The following WNK3 variants were observed in gnomAD, a reference collection of about 807,000 sequenced individuals.
The protein encoded by WNK3 is WNK lysine deficient protein kinase 3, also known as serine/threonine-protein kinase WNK3.
In WNK3, 18 loss-of-function variants were observed where a neutral mutation model predicts 116.7. The ratio of observed to expected loss-of-function variants is 0.15; its 90% CI spans 0.11 to 0.23. WNK3 has a LOEUF of 0.23. Ranked by LOEUF, WNK3 falls within the 10% of genes least tolerant of loss-of-function variation. The pLI, the probability that WNK3 is intolerant of heterozygous loss-of-function variation, is 1.00. For synonymous variants in WNK3, 404 were observed against 469.4 expected (o/e 0.86, Z 1.80); for missense variants, 993 against 1,323.8 (o/e 0.75, Z 3.88).
At chrX:54,200,958 T>C (rs1314308838) in intron 23 of WNK3, among the ~76,000 whole-genome samples, 2 of 112,022 alleles carry the variant, frequency 1.8e-5, no homozygotes, top group Non-Finnish European at 3.8e-5. Flanking sequence ...TGAAAATTTT[T>C]ATTCAATATT....
intron 22 of WNK3, among the ~76,000 whole-genome samples, chrX:54,227,736 A>C (rs1242641453): frequency 8.9e-6 from 1 of 112,590 alleles, no homozygotes; most frequent in Non-Finnish European, 1.9e-5. Flanking sequence ...ATGGAGTATT[A>C]TTTGGCAACA....
intron 10 of WNK3, among the ~76,000 whole-genome samples, 189 bp downstream of exon 10, chrX:54,292,699 T>G (rs1603391547): frequency 1.5e-5 from 1 of 66,375 alleles, no homozygotes; most frequent in East Asian, 4.8e-4. Context: ...AGAGCGACAC[T>G]CCACCTCAAA....
chrX:54,194,956 A>T (rs2067429874), exon 24 of WNK3: 1 of 111,867 alleles, frequency 8.9e-6, no homozygotes, highest in East Asian at 2.8e-4. Flanking sequence ...CTGTCAAACC[A>T]TTGGAATTCA....
chrX:54,209,476 A>G (rs2067589589), intron 22 of WNK3, among the ~76,000 whole-genome samples: 1 of 107,681 alleles, frequency 9.3e-6, no homozygotes, highest in Admixed American at 1.0e-4. Context: ...AATACCATGT[A>G]TCAACTCATG....
chrX:54,347,749 T>C (rs1603402569), intron 1 of WNK3, among the ~76,000 whole-genome samples: 2 of 108,002 alleles, frequency 1.9e-5, no homozygotes, highest in East Asian at 5.7e-4. Flanking sequence ...TACTATATTA[T>C]ATATATACAC....
At chrX:54,289,197 AG>A (rs1415261333) in intron 10 of WNK3, among the ~76,000 whole-genome samples, 1 of 111,385 alleles carries the variant, frequency 9.0e-6, no homozygotes, top group African/African-American at 3.3e-5. Context: ...GGACTGGATA[AG>A]AAGTCTGCAC....
intron 13 of WNK3, 40 bp downstream of exon 13, chrX:54,253,919 G>A: frequency 1.1e-6 from 1 of 896,851 alleles, no homozygotes; most frequent in African/African-American, 1.9e-5. Context: ...AAAAAAGACA[G>A]AATGCTGAAG....
At chrX:54,299,182 T>G (rs987837302) in intron 6 of WNK3, among the ~76,000 whole-genome samples, 6 of 111,741 alleles carry the variant, frequency 5.4e-5, no homozygotes, top group Admixed American at 4.8e-4. Context: ...TACAGGCCAG[T>G]GAGAGCTGAA....
chrX:54,358,539 A>G (rs1297767841), upstream of WNK3: 1 of 111,415 alleles, frequency 9.0e-6, no homozygotes, highest in African/African-American at 3.3e-5. Flanking sequence ...CGCGAGACCC[A>G]TACCTGCCGG....
At chrX:54,265,344 G>A (rs189914123) in intron 10 of WNK3, among the ~76,000 whole-genome samples, 6 of 110,980 alleles carry the variant, frequency 5.4e-5, no homozygotes, top group East Asian at 2.9e-4. Flanking sequence ...AAAATTAGCC[G>A]GGCGTGGTGG....
chrX:54,306,305 A>G (rs182108009), intron 5 of WNK3, among the ~76,000 whole-genome samples: 73 of 111,511 alleles, frequency 6.5e-4, no homozygotes, highest in African/African-American at 2.2e-3. Context: ...TACATACCCA[A>G]AGGAATTGAA....
At chrX:54,339,727 A>G (rs1464675011) in intron 1 of WNK3, among the ~76,000 whole-genome samples, 1 of 112,355 alleles carries the variant, frequency 8.9e-6, no homozygotes, top group African/African-American at 3.2e-5. Flanking sequence ...ACAGAAATTT[A>G]AAGTGGATCA....
intron 1 of WNK3, among the ~76,000 whole-genome samples, chrX:54,344,562 A>C (rs782579581): frequency 8.8e-6 from 1 of 113,393 alleles, no homozygotes; most frequent in Non-Finnish European, 1.9e-5. Flanking sequence ...CAATGATCAC[A>C]AACATATGAA....
At chrX:54,309,356 C>A (rs1411588191) in intron 3 of WNK3, 41 bp from the exon 4 acceptor site, 3 of 1,010,476 alleles carry the variant, frequency 3.0e-6, no homozygotes, top group Non-Finnish European at 4.1e-6. Flanking sequence ...ACAAACATAT[C>A]CAACTTATTA....
At chrX:54,217,481 G>A (rs782303036) in intron 22 of WNK3, among the ~76,000 whole-genome samples, 9 of 109,140 alleles carry the variant, frequency 8.2e-5, no homozygotes, top group African/African-American at 2.3e-4. Context: ...AATTAGCTGG[G>A]TGTGGTGGCG....
chrX:54,309,039 T>C, intron 4 of WNK3, 56 bp downstream of exon 4: 1 of 1,035,996 alleles, frequency 9.7e-7, no homozygotes, highest in Non-Finnish European at 1.3e-6. Flanking sequence ...GTTCTAGACC[T>C]ATACAATTGA....
chrX:54,357,377 C>T (rs971701420), intron 1 of WNK3, among the ~76,000 whole-genome samples: 2 of 110,740 alleles, frequency 1.8e-5, no homozygotes, highest in Non-Finnish European at 3.8e-5. Context: ...GAAAACAAAA[C>T]AAAAAACGCA....
intron 12 of WNK3, 50 bp downstream of exon 12, chrX:54,255,690 C>T (rs1408198076): frequency 1.8e-6 from 2 of 1,118,220 alleles, no homozygotes. Context: ...CCTCTCTGAC[C>T]CTCCAGACCT....
At chrX:54,293,903 G>A (rs1379321417) in intron 8 of WNK3, among the ~76,000 whole-genome samples, 1 of 112,110 alleles carries the variant, frequency 8.9e-6, no homozygotes, top group Non-Finnish European at 1.9e-5. Context: ...GTGGCTGGGC[G>A]CGGTGGCTCA....
Sources: allele counts gnomAD v4.1 joint callset (sites outside exome capture counted in the v4.1 genomes callset), GRCh38; gene constraint gnomAD v4.1.1; transcripts MANE v1.5; gene names NCBI Gene and HGNC (gene_info 2026-07-23, HGNC 2026-07-21).